The following WDR7 variants were observed in gnomAD, a reference collection of about 807,000 sequenced individuals.
WDR7 encodes WD repeat-containing protein 7.
Under a neutral mutation model 169.4 loss-of-function variants are expected in WDR7, and 46 were observed. The ratio of observed to expected loss-of-function variants is 0.27; its 90% CI spans 0.21 to 0.35. The LOEUF (loss-of-function observed/expected upper bound fraction) is 0.35. Ranked by LOEUF, WDR7 falls within the 10% of genes least tolerant of loss-of-function variation. The pLI is 1.00. For missense variants in WDR7, 1,534 were observed against 1,859.3 expected (o/e 0.83, Z 3.22); for synonymous variants, 612 against 666.8 (o/e 0.92, Z 1.27).
At chr18:57,011,779 C>T (rs1477288653) in intron 26 of WDR7, among the ~76,000 whole-genome samples, 1 of 151,694 alleles carries the variant, frequency 6.6e-6, no homozygotes, top group African/African-American at 2.4e-5. Flanking sequence ...GATAGTACAC[C>T]CAATAAGAAA....
At chr18:56,678,499 G>T (rs374461943) in intron 2 of WDR7, among the ~76,000 whole-genome samples, 11 of 15,410 alleles carry the variant, frequency 7.1e-4, no homozygotes, top group African/African-American at 7.9e-4. Context: ...GTAACACTGT[G>T]GTCTTTTTTT....
chr18:57,031,557 A>T (rs560207552), downstream of WDR7: 1 of 152,358 alleles, frequency 6.6e-6, no homozygotes, highest in Admixed American at 6.5e-5. Context: ...TGCTGTAAAC[A>T]TGTGCTAATT....
intron 13 of WDR7, among the ~76,000 whole-genome samples, chr18:56,729,726 G>A (rs947207322): frequency 2.6e-5 from 4 of 152,000 alleles, no homozygotes; most frequent in Non-Finnish European, 4.4e-5. Context: ...GTTTGGATAT[G>A]GTATCATTAT....
At chr18:56,889,434 A>G (rs925729062) in intron 21 of WDR7, among the ~76,000 whole-genome samples, 1 of 152,166 alleles carries the variant, frequency 6.6e-6, no homozygotes, top group Non-Finnish European at 1.5e-5. Context: ...ATTTTGCTGT[A>G]TACTTGACGT....
At chr18:56,885,484 A>G (rs942345886) in intron 21 of WDR7, among the ~76,000 whole-genome samples, 2 of 152,058 alleles carry the variant, frequency 1.3e-5, no homozygotes, top group Non-Finnish European at 2.9e-5. Flanking sequence ...GAAATGTGAA[A>G]TACACTGGAA....
intron 25 of WDR7, among the ~76,000 whole-genome samples, chr18:56,941,119 A>G (rs2047030701): frequency 6.6e-6 from 1 of 152,158 alleles, no homozygotes; most frequent in Non-Finnish European, 1.5e-5. Flanking sequence ...GGAAACAATG[A>G]TGAATAAGAT....
chr18:56,681,956 C>A (rs2025358034), intron 4 of WDR7, among the ~76,000 whole-genome samples: 1 of 152,050 alleles, frequency 6.6e-6, no homozygotes, highest in African/African-American at 2.4e-5. Context: ...CTGTCTAATT[C>A]TCTGTACTTC....
At chr18:56,963,353 G>A (rs995774704) in intron 26 of WDR7, among the ~76,000 whole-genome samples, 10 of 151,996 alleles carry the variant, frequency 6.6e-5, no homozygotes, top group South Asian at 2.1e-4. Flanking sequence ...CCATATTATC[G>A]TATTAGGAAT....
intron 26 of WDR7, among the ~76,000 whole-genome samples, chr18:56,993,238 A>G (rs563592283): frequency 6.6e-6 from 1 of 152,242 alleles, no homozygotes; most frequent in African/African-American, 2.4e-5. Flanking sequence ...TATGAACTTA[A>G]GAAATTCTTA....
intron 21 of WDR7, among the ~76,000 whole-genome samples, chr18:56,909,251 G>A (rs966932250): frequency 3.3e-5 from 5 of 152,054 alleles, no homozygotes; most frequent in Non-Finnish European, 7.4e-5. Flanking sequence ...AGAGAAAGAA[G>A]GGTAGCATTT....
At chr18:56,764,783 G>A (rs2144985599) in intron 16 of WDR7, among the ~76,000 whole-genome samples, 1 of 152,222 alleles carries the variant, frequency 6.6e-6, no homozygotes, top group East Asian at 1.9e-4. Context: ...CCGTGTTCAA[G>A]TTTAGTATAT....
chr18:56,946,511 G>T (rs1336679194), intron 25 of WDR7, among the ~76,000 whole-genome samples: 1 of 152,118 alleles, frequency 6.6e-6, no homozygotes, highest in Non-Finnish European at 1.5e-5. Flanking sequence ...TTTAAAATTT[G>T]CCTTGGGCAT....
chr18:56,853,058 C>T (rs192205539), intron 20 of WDR7, among the ~76,000 whole-genome samples: 269 of 152,138 alleles, frequency 1.8e-3, no homozygotes, highest in African/African-American at 6.1e-3. Flanking sequence ...AGGCAAAATA[C>T]GAAAAATATC....
At chr18:56,663,622 AC>A (rs1240276840) in intron 1 of WDR7, among the ~76,000 whole-genome samples, 1 of 102,832 alleles carries the variant, frequency 9.7e-6, no homozygotes, top group African/African-American at 4.1e-5. Context: ...GCATATATAC[AC>A]CACATATATG....
At chr18:56,816,215 G>A in intron 20 of WDR7, 71 bp downstream of exon 20, 2 of 1,347,508 alleles carry the variant, frequency 1.5e-6, no homozygotes, top group Non-Finnish European at 2.0e-6. Context: ...TAGGTTATTT[G>A]TGGTGGGATT....
At chr18:56,673,160 GACACACACAC>G (rs36051303) in intron 2 of WDR7, among the ~76,000 whole-genome samples, 2 of 147,026 alleles carry the variant, frequency 1.4e-5, no homozygotes, top group African/African-American at 2.5e-5. Flanking sequence ...AGGAGCTGGG[GACACACACAC>G]ACACACACAC....
chr18:56,888,402 A>G (rs1231196366), intron 21 of WDR7, among the ~76,000 whole-genome samples: 1 of 152,220 alleles, frequency 6.6e-6, no homozygotes, highest in African/African-American at 2.4e-5. Context: ...ATTCTCTTGC[A>G]TAAAATAAAA....
chr18:56,691,629 C>T (rs2025572389), intron 8 of WDR7, 86 bp from the exon 9 acceptor site: 6 of 1,123,664 alleles, frequency 5.3e-6, no homozygotes, highest in Non-Finnish European at 7.3e-6. Flanking sequence ...CCCTTTTTGT[C>T]CAATACCAAC....
chr18:56,879,573 A>G (rs1049257870), intron 20 of WDR7, among the ~76,000 whole-genome samples: 2 of 152,176 alleles, frequency 1.3e-5, no homozygotes, highest in South Asian at 2.1e-4. Flanking sequence ...TTTCAAGCAC[A>G]AAAGTTTTTA....
Sources: gnomAD v4.1 joint callset for allele counts (sites outside exome capture counted in the v4.1 genomes callset) on GRCh38, gnomAD v4.1.1 for gene constraint, MANE v1.5 for transcripts, NCBI Gene and HGNC (gene_info 2026-07-23, HGNC 2026-07-21) for gene names.